The following DIS3L2 variants were observed in gnomAD, a reference collection of about 807,000 sequenced individuals.
The protein encoded by DIS3L2 is DIS3-like exonuclease 2.
A neutral mutation model predicts 97.5 loss-of-function variants in DIS3L2; 34 were observed. The ratio of observed to expected loss-of-function variants is 0.35; its 90% CI spans 0.27 to 0.46. DIS3L2 has a LOEUF of 0.46. Among genes scored for constraint, DIS3L2 ranks in the 20% least tolerant of loss-of-function variants. The pLI is 1.00. For missense variants in DIS3L2, 1,038 were observed against 1,146.0 expected (o/e 0.91, Z 1.36); for synonymous variants, 435 against 445.2 (o/e 0.98, Z 0.29).
intron 5 of DIS3L2, among the ~76,000 whole-genome samples, chr2:232,067,513 A>C (rs528096103): frequency 6.6e-6 from 1 of 152,314 alleles, no homozygotes; most frequent in South Asian, 2.1e-4. Flanking sequence ...TCTGCAAGAT[A>C]TCAAGCTCTT....
In DIS3L2 at chr2:232,336,707, G is replaced by C. The variant is rs77517611; in HGVS notation, c.*77G>C. On this transcript the variant is annotated 3_prime_UTR_variant, in exon 21 of 21. Coordinates refer to ENST00000325385, the MANE Select transcript of DIS3L2 (RefSeq NM_152383.5). Reference sequence around the variant, plus strand: ...GGCTTTAGGACCTGTTGACACGGAGGGGGGTTTTTAATTTGGTTTTTAACA... The same window carrying C: ...GGCTTTAGGACCTGTTGACACGGAGCGGGGTTTTTAATTTGGTTTTTAACA... The C allele has an allele frequency of 5.9e-6, 9 of 1,520,298 alleles. No individual in the cohort carries two copies. The highest frequency in any genetic ancestry group is 4.9e-5 in the Admixed American group (2 of 40,448). 94.2% of individuals were successfully genotyped at this position (1,520,298 alleles called of 1,614,324 possible).
chr2:232,110,421 T>G (rs1697492311), intron 6 of DIS3L2, among the ~76,000 whole-genome samples: 1 of 152,172 alleles, frequency 6.6e-6, no homozygotes, highest in Non-Finnish European at 1.5e-5. Flanking sequence ...CTATTCACAA[T>G]AGCAAAGATA....
Position 232,091,109 on chromosome 2 carries a change from C to A in DIS3L2, c.601+3388C>A, listed in dbSNP as rs545454983. On this transcript the variant is annotated intron_variant, in intron 6 of 20. Transcript: ENST00000325385. ...TTGAGATTGAACTTTTACCACTTTA[C>A]AAGCAGTAGCTTTGTTGTTAGCATA... Among the ~76,000 whole-genome samples, 9 of 152,314 alleles carry A rather than the reference C, an allele frequency of 5.9e-5. No homozygotes were observed. In the South Asian group the frequency reaches 1.9e-3, roughly 32 times the overall value.
intron 10 of DIS3L2, among the ~76,000 whole-genome samples, chr2:232,223,921 C>T (rs532366966): frequency 6.6e-6 from 1 of 152,272 alleles, no homozygotes; most frequent in South Asian, 2.1e-4. Context: ...AACCCCATCT[C>T]TACAAAAATT....
chr2:232,262,689 C>G (rs752558609), intron 12 of DIS3L2, among the ~76,000 whole-genome samples: 3 of 152,228 alleles, frequency 2.0e-5, no homozygotes, highest in Non-Finnish European at 4.4e-5. Context: ...TCTGTCTCTA[C>G]ATATGTGCCC....
chr2:232,333,756 G>GATAACCGTC, intron 16 of DIS3L2, 84 bp from the exon 17 acceptor site: 35 of 1,487,164 alleles, frequency 2.4e-5, no homozygotes, highest in Admixed American at 1.1e-4. Context: ...CGCTGCCGAC[G>GATAACCGTC]GTGAGGCTGT....
intron 5 of DIS3L2, among the ~76,000 whole-genome samples, chr2:232,077,314 A>C (rs1017347679): frequency 4.6e-5 from 7 of 152,144 alleles, no homozygotes; most frequent in Admixed American, 2.0e-4. Context: ...AAAAAAAAAA[A>C]AACAGTAGAT....
intron 9 of DIS3L2, among the ~76,000 whole-genome samples, chr2:232,187,265 G>A (rs917521820): frequency 2.6e-5 from 4 of 152,132 alleles, no homozygotes; most frequent in African/African-American, 9.7e-5. Flanking sequence ...ACAAGTGTTG[G>A]TGAGGATGTA....
In DIS3L2 at chr2:232,293,171, C is replaced by G. The variant is rs1210786857; in HGVS notation, c.1660-6869C>G. The stretch of plus-strand genomic sequence containing the variant: ...TAGTGAGCATTGTTGAGGGAAGGAG[C>G]TTGTGCCTCTTGAGGGTGCTGACAA... On this transcript the variant is annotated intron_variant, in intron 13 of 20. Transcript: ENST00000325385. The surrounding 1 kb of genome is among the most constrained non-coding windows in gnomAD (Gnocchi z 4.6). Among the ~76,000 whole-genome samples, 1 of 152,080 alleles carries G rather than the reference C, an allele frequency of 6.6e-6. No homozygotes were observed. The highest frequency in any genetic ancestry group is 1.5e-5 in the Non-Finnish European group (1 of 68,026).
At chr2:232,088,969 G>C (rs1696751901) in intron 6 of DIS3L2, among the ~76,000 whole-genome samples, 1 of 152,136 alleles carries the variant, frequency 6.6e-6, no homozygotes, top group Admixed American at 6.5e-5. Context: ...AGAAGTTTCT[G>C]GCACAGTTCC....
At chr2:232,263,078 C>A in intron 12 of DIS3L2, 129 bp from the exon 13 acceptor site, 1 of 984,022 alleles carries the variant, frequency 1.0e-6, no homozygotes, top group Non-Finnish European at 1.5e-6. Flanking sequence ...CTGAACCTGC[C>A]ACCATTCCGA....
At chr2:232,334,546 C>A in intron 18 of DIS3L2, 47 bp downstream of exon 18, 1 of 1,609,110 alleles carries the variant, frequency 6.2e-7, no homozygotes. Context: ...GGCTCCCGAC[C>A]CTCCTGGGCA....
chr2:232,118,320 G>T (rs1469895134), intron 6 of DIS3L2, among the ~76,000 whole-genome samples: 1 of 152,192 alleles, frequency 6.6e-6, no homozygotes, highest in Non-Finnish European at 1.5e-5. Flanking sequence ...GACCAAGAGG[G>T]TGGGGGATTA....
At position 232,163,601 on chromosome 2, in the gene DIS3L2, C is replaced by A. The variant is rs1212087878; in HGVS notation, c.1093C>A (p.Pro365Thr). 1.9e-6 allele frequency: 3 copies of A among 1,613,850 alleles called. No individual in the cohort carries two copies. The highest frequency in any genetic ancestry group is 1.7e-5 in the Admixed American group (1 of 60,018). Residue 365 changes from proline to threonine, a missense_variant, in exon 9 of 21, where the codon CCA becomes ACA. By Grantham distance (38) the Pro-to-Thr change is conservative (BLOSUM62 -1). Coordinates refer to ENST00000325385, the MANE Select transcript of DIS3L2 (RefSeq NM_152383.5). Reference sequence around the variant, plus strand: ...TCAAGGCCTGCCATGGACAATTCCACCAGAGGAGTTCAGCAAGAGAAGGGA... The same window carrying A: ...TCAAGGCCTGCCATGGACAATTCCAACAGAGGAGTTCAGCAAGAGAAGGGA... ...LPQGLPWTIP[P>T]EEFSKRRDLR...
chr2:231,975,348 G>C lies in DIS3L2; in HGVS notation c.-94+13583G>C, dbSNP rs75201778. Among the ~76,000 whole-genome samples the C allele has an allele frequency of 1.9e-3, 295 of 151,986 alleles. 1 individual carries two copies. The highest frequency in any genetic ancestry group is 3.6e-3 in the Non-Finnish European group (245 of 67,996). On this transcript the variant is annotated intron_variant, in intron 1 of 20. Transcript: ENST00000325385. ...ATTATTATATATTATATCTCTTTGA[G>C]GCTAAGAATCCAGGGAAGGGAAAGC... is the stretch of plus-strand genomic sequence containing the variant.
intron 1 of DIS3L2, among the ~76,000 whole-genome samples, chr2:232,001,557 C>CTTTTTTTTTTTTTTTTTTTTTT (rs57766848): frequency 1.5e-4 from 9 of 61,926 alleles, no homozygotes; most frequent in African/African-American, 2.6e-4. Context: ...TGCCATTTGT[C>CTTTTTTTTTTTTTTTTTTTTTT]TTTTTTTTTT....
intron 1 of DIS3L2, among the ~76,000 whole-genome samples, chr2:232,001,874 C>T (rs2106204834): frequency 6.6e-6 from 1 of 151,992 alleles, no homozygotes; most frequent in African/African-American, 2.4e-5. Context: ...CATGTGCCAC[C>T]ATGACCAGCA....
At chr2:232,334,045 C>G in intron 17 of DIS3L2, 58 bp downstream of exon 17, 1 of 1,556,076 alleles carries the variant, frequency 6.4e-7, no homozygotes, top group Non-Finnish European at 8.7e-7. Context: ...TGCCCACCCC[C>G]ACAGTGGGTG....
chr2:232,196,485 TA>T (rs1691760856), intron 9 of DIS3L2, among the ~76,000 whole-genome samples: 1 of 152,106 alleles, frequency 6.6e-6, no homozygotes, highest in South Asian at 2.1e-4. Context: ...ATCATCTTAA[TA>T]AAAAACATTC....
Sources: gnomAD v4.1 joint callset for allele counts (sites outside exome capture counted in the v4.1 genomes callset) on GRCh38, gnomAD v4.1.1 for gene constraint, Gnocchi (gnomAD v3.1) non-coding constraint, MANE v1.5 for transcripts, NCBI Gene and HGNC (gene_info 2026-07-23, HGNC 2026-07-21) for gene names.